The following NRXN1 variants were observed in gnomAD, a reference collection of about 807,000 sequenced individuals.
NRXN1 encodes the protein neurexin 1.
A neutral mutation model predicts 150.9 loss-of-function variants in NRXN1; 39 were observed. The ratio of observed to expected loss-of-function variants is 0.26; its 90% CI spans 0.20 to 0.34. NRXN1 has a LOEUF of 0.34. Ranked by LOEUF, NRXN1 falls within the 10% of genes least tolerant of loss-of-function variation. NRXN1 has a pLI of 1.00. For synonymous variants in NRXN1, 924 were observed against 757.0 expected (o/e 1.22, Z -3.62); for missense variants, 1,815 against 1,949.9 (o/e 0.93, Z 1.30).
intron 17 of NRXN1, among the ~76,000 whole-genome samples, chr2:50,437,197 T>A (rs1180098213): frequency 6.6e-6 from 1 of 152,198 alleles, no homozygotes; most frequent in African/African-American, 2.4e-5. Flanking sequence ...GCTAAAGACA[T>A]AAGTAAGCAG....
In NRXN1 at chr2:50,347,522, C is replaced by G. The variant is rs967937326; in HGVS notation, c.3365-110552G>C. On this transcript the variant is annotated intron_variant, in intron 17 of 22. Transcript: ENST00000401669. This position sits in a 1 kb window ranked among gnomAD's most constrained non-coding sequence, Gnocchi z 4.9. ...TCCATTCAGCCCCGGCCGGCTCGCC[C>G]GCTAGCGCCAGCCTCCCCCGGGCAG... The G allele has an allele frequency of 9.6e-7, 1 of 1,042,518 alleles. No homozygotes were observed. Among genetic ancestry groups the G allele is most frequent in the Non-Finnish European group, 1.2e-6 (1 of 863,774 alleles). 64.6% of individuals were successfully genotyped at this position (1,042,518 alleles called of 1,614,324 possible).
chr2:50,601,939 G>T (rs139858195), intron 8 of NRXN1, among the ~76,000 whole-genome samples: 9 of 152,274 alleles, frequency 5.9e-5, no homozygotes, highest in African/African-American at 2.2e-4. Context: ...CGGTTACATG[G>T]AGCTAAGAAA....
chr2:50,223,229 G>A (rs1314291053), intron 18 of NRXN1, among the ~76,000 whole-genome samples: 4 of 151,886 alleles, frequency 2.6e-5, no homozygotes, highest in Non-Finnish European at 5.9e-5. Context: ...ACAGTCTACT[G>A]AGAAGGACAA....
chr2:49,929,676 T>C (rs1030877518), intron 22 of NRXN1, among the ~76,000 whole-genome samples: 1 of 152,200 alleles, frequency 6.6e-6, no homozygotes, highest in Non-Finnish European at 1.5e-5. Context: ...CCTGTTTAAA[T>C]AGTACTTATT....
chr2:50,340,637 T>C (rs2077482880), intron 17 of NRXN1, among the ~76,000 whole-genome samples: 2 of 151,948 alleles, frequency 1.3e-5, no homozygotes, highest in South Asian at 4.1e-4. Context: ...AACAAGACCA[T>C]GAGGATTTTA....
chr2:50,914,173 C>T (rs545288709), intron 5 of NRXN1, among the ~76,000 whole-genome samples: 8 of 151,726 alleles, frequency 5.3e-5, no homozygotes, highest in South Asian at 2.1e-4. Flanking sequence ...TGGACCTGGA[C>T]GCACTGATAA....
intron 21 of NRXN1, among the ~76,000 whole-genome samples, chr2:49,983,782 T>C (rs1172999086): frequency 6.6e-6 from 1 of 152,214 alleles, no homozygotes; most frequent in Non-Finnish European, 1.5e-5. Context: ...TGATAAATTA[T>C]TTAACAAAAT....
At chr2:50,190,182 T>C (rs1297370464) in intron 18 of NRXN1, among the ~76,000 whole-genome samples, 1 of 152,168 alleles carries the variant, frequency 6.6e-6, no homozygotes, top group Non-Finnish European at 1.5e-5. Context: ...TTATCTCCAA[T>C]TATCACAGGA....
chr2:50,447,737 T>TTATATATATATATATATATATA lies in NRXN1; in HGVS notation c.3364+17683_3364+17704dup, dbSNP rs70948710. 1.8e-4 allele frequency among the ~76,000 whole-genome samples: 7 copies of TTATATATATATATATATATATA among 37,916 alleles called. 1 individual carries two copies. Among genetic ancestry groups the TTATATATATATATATATATATA allele is most frequent in the African/African-American group, 6.6e-4 (4 of 6,086 alleles). The allele number at this position is 37,916 out of a possible 152,430, so 24.9% of individuals were successfully genotyped here. The stretch of plus-strand genomic sequence containing the variant: ...AAATCACATAGTAAGCAGGGGAACG[T>TTATATATATATATATATATATA]TATATATATATATATATATATATAT... On this transcript the variant is annotated intron_variant, in intron 17 of 22. Coordinates refer to ENST00000401669, the MANE Select transcript of NRXN1 (RefSeq NM_001330078.2).
intron 5 of NRXN1, among the ~76,000 whole-genome samples, chr2:50,770,017 C>A (rs759477921): frequency 3.3e-5 from 5 of 152,112 alleles, no homozygotes; most frequent in Non-Finnish European, 7.4e-5. Flanking sequence ...AGTAGAACTT[C>A]ACTTGTGCTT....
At chr2:50,666,061 C>T (rs542424465) in intron 5 of NRXN1, among the ~76,000 whole-genome samples, 10 of 151,994 alleles carry the variant, frequency 6.6e-5, no homozygotes, top group African/African-American at 1.7e-4. Flanking sequence ...TCCCTTCCAC[C>T]GATTCTCCTG....
intron 2 of NRXN1, among the ~76,000 whole-genome samples, chr2:50,968,585 CT>C (rs1330484301): frequency 6.6e-6 from 1 of 152,096 alleles, no homozygotes; most frequent in Non-Finnish European, 1.5e-5. Flanking sequence ...AACTAAATCA[CT>C]CTTACAAATC....
At chr2:50,220,099 T>TA (rs1418586504) in intron 18 of NRXN1, among the ~76,000 whole-genome samples, 5 of 145,386 alleles carry the variant, frequency 3.4e-5, no homozygotes, top group Non-Finnish European at 7.5e-5. Flanking sequence ...AAGGCAGACT[T>TA]AGAGAGAAAT....
chr2:50,444,076 CT>C (rs1322671101), intron 17 of NRXN1, among the ~76,000 whole-genome samples: 2 of 152,132 alleles, frequency 1.3e-5, no homozygotes, highest in Non-Finnish European at 2.9e-5. Context: ...TCCTCCTTCA[CT>C]GCTTTTGTGA....
At chr2:50,440,099 G>A (rs535385402) in intron 17 of NRXN1, among the ~76,000 whole-genome samples, 1 of 152,280 alleles carries the variant, frequency 6.6e-6, no homozygotes, top group East Asian at 1.9e-4. Context: ...GAGTTGTCAG[G>A]ATTTGTTCCG....
chr2:50,278,421 G>T (rs1229402353), intron 17 of NRXN1, among the ~76,000 whole-genome samples: 2 of 148,232 alleles, frequency 1.3e-5, no homozygotes, highest in Non-Finnish European at 3.0e-5. Context: ...CAAAGTGCTG[G>T]GATTACAGAT....
At chr2:50,164,729 C>A (rs772349525) in intron 18 of NRXN1, among the ~76,000 whole-genome samples, 1 of 152,156 alleles carries the variant, frequency 6.6e-6, no homozygotes, top group Non-Finnish European at 1.5e-5. Context: ...ACTTTCTAAT[C>A]TACATAAGGT....
intron 17 of NRXN1, among the ~76,000 whole-genome samples, chr2:50,373,707 G>GAAAGAAAGAAAGAAAC (rs2080272619): frequency 2.9e-5 from 4 of 137,156 alleles, no homozygotes; most frequent in African/African-American, 1.0e-4. Context: ...AAGAAAGAAA[G>GAAAGAAAGAAAGAAAC]AAAGAGAAAG....
intron 2 of NRXN1, among the ~76,000 whole-genome samples, chr2:50,955,600 C>A (rs1692153650): frequency 6.6e-6 from 1 of 152,112 alleles, no homozygotes; most frequent in South Asian, 2.1e-4. Context: ...CAGAACAGTG[C>A]CATTTTTATA....
Sources: allele counts gnomAD v4.1 joint callset (sites outside exome capture counted in the v4.1 genomes callset), GRCh38; gene constraint gnomAD v4.1.1; non-coding constraint Gnocchi (gnomAD v3.1); transcripts MANE v1.5; gene names NCBI Gene and HGNC (gene_info 2026-07-23, HGNC 2026-07-21).